The following INPP5A variants were observed in gnomAD, a reference collection of about 807,000 sequenced individuals.
The protein encoded by INPP5A is inositol polyphosphate-5-phosphatase A.
INPP5A carries 14 observed loss-of-function variants against 65.2 expected under a neutral mutation model. That is an observed-to-expected ratio of 0.21 (90% CI 0.14 to 0.34). The LOEUF (loss-of-function observed/expected upper bound fraction) is 0.34. Among genes scored for constraint, INPP5A ranks in the 10% least tolerant of loss-of-function variants. The pLI is 1.00. For missense variants in INPP5A, 431 were observed against 545.6 expected, an observed-to-expected ratio of 0.79 and a Z score of 2.09; for synonymous variants, 207 against 208.3, an observed-to-expected ratio of 0.99 and a Z score of 0.05.
intron 4 of INPP5A, among the ~76,000 whole-genome samples, chr10:132,668,360 T>A (rs2072834387): frequency 6.6e-6 from 1 of 152,210 alleles, no homozygotes; most frequent in African/African-American, 2.4e-5. Context: ...CTGTAACTTA[T>A]TGATGCTGCC....
chr10:132,634,685 A>T (rs760261045), intron 2 of INPP5A, among the ~76,000 whole-genome samples: 2 of 152,160 alleles, frequency 1.3e-5, no homozygotes, highest in Non-Finnish European at 2.9e-5. Flanking sequence ...TTAGCCATAT[A>T]CACATTTGTG....
intron 8 of INPP5A, among the ~76,000 whole-genome samples, chr10:132,710,733 G>A (rs546949981): frequency 6.6e-6 from 1 of 150,918 alleles, no homozygotes; most frequent in Non-Finnish European, 1.5e-5. Flanking sequence ...AGGTGTGAGT[G>A]GAGAGGTAGG....
At chr10:132,591,792 G>A (rs1253613016) in intron 1 of INPP5A, among the ~76,000 whole-genome samples, 7 of 91,624 alleles carry the variant, frequency 7.6e-5, no homozygotes, top group Non-Finnish European at 1.4e-4. Flanking sequence ...CTCCTTTCCC[G>A]GAGCTGCGCC....
At chr10:132,665,360 CTG>C (rs2072789035) in intron 4 of INPP5A, among the ~76,000 whole-genome samples, 1 of 152,230 alleles carries the variant, frequency 6.6e-6, no homozygotes, top group African/African-American at 2.4e-5. Context: ...CCCCTCGATT[CTG>C]TGTCGCTAAT....
At chr10:132,540,768 G>C (rs1451945334) in intron 1 of INPP5A, among the ~76,000 whole-genome samples, 4 of 152,260 alleles carry the variant, frequency 2.6e-5, no homozygotes. Flanking sequence ...CAGTGCTCAG[G>C]CTGTGAAGGA....
Position 132,704,909 on chromosome 10 carries a change from CGTCTGG to C in INPP5A, c.475-3403_475-3398del, listed in dbSNP as rs1845509543. 2.1e-5 allele frequency among the ~76,000 whole-genome samples: 3 copies of C among 144,104 alleles called. No homozygotes were observed. Among genetic ancestry groups the C allele is most frequent in the South Asian group, 2.4e-4 (1 of 4,108 alleles). 94.5% of individuals were successfully genotyped at this position (144,104 alleles called of 152,430 possible). ...TGGAGTGTGGAGGATGGAGGAAGGG[CGTCTGG>C]ACAGGCGGCAGGCAGCTCCTCTGGA... On this transcript the variant is annotated intron_variant, in intron 6 of 15. Transcript: ENST00000368594. This position sits in a 1 kb window ranked among gnomAD's most constrained non-coding sequence, Gnocchi z 4.5.
chr10:132,579,417 G>C (rs1259720951), intron 1 of INPP5A, among the ~76,000 whole-genome samples: 1 of 152,156 alleles, frequency 6.6e-6, no homozygotes, highest in Admixed American at 6.5e-5. Context: ...CTGCACCGGT[G>C]GCTCTGGTGG....
At chr10:132,739,800 C>A (rs1363568338) in intron 9 of INPP5A, among the ~76,000 whole-genome samples, 1 of 152,202 alleles carries the variant, frequency 6.6e-6, no homozygotes, top group African/African-American at 2.4e-5. Context: ...CCTCGCCATG[C>A]CCCCTGCCAG....
chr10:132,731,803 G>T (rs542116885), intron 9 of INPP5A, among the ~76,000 whole-genome samples: 2 of 152,230 alleles, frequency 1.3e-5, no homozygotes, highest in Non-Finnish European at 1.5e-5. Context: ...AAGGAAAGCC[G>T]CATGTGCTCT....
intron 8 of INPP5A, among the ~76,000 whole-genome samples, chr10:132,719,936 G>T (rs1268840967): frequency 6.7e-6 from 1 of 149,002 alleles, no homozygotes; most frequent in Non-Finnish European, 1.5e-5. Flanking sequence ...TTAGACGGCT[G>T]TCTTCAGGGT....
At chr10:132,596,961 G>GTGCGTGTGTGCA (rs770991113) in intron 1 of INPP5A, among the ~76,000 whole-genome samples, 3 of 151,634 alleles carry the variant, frequency 2.0e-5, no homozygotes, top group African/African-American at 4.9e-5. Context: ...GCACACATGT[G>GTGCGTGTGTGCA]TGCGTGTGTG....
At chr10:132,731,428 C>T (rs147332414) in intron 9 of INPP5A, among the ~76,000 whole-genome samples, 66 of 151,578 alleles carry the variant, frequency 4.4e-4, no homozygotes, top group Admixed American at 8.5e-4. Flanking sequence ...GCGTATCAGA[C>T]GCCCCTGGGA....
At chr10:132,699,045 C>T (rs1002874659) in intron 6 of INPP5A, among the ~76,000 whole-genome samples, 10 of 152,356 alleles carry the variant, frequency 6.6e-5, no homozygotes, top group South Asian at 4.1e-4. Flanking sequence ...CGGCACCGCC[C>T]GTTTGCCTCC....
At position 132,717,044 on chromosome 10, in the gene INPP5A, G is replaced by A. The variant is rs374386703; in HGVS notation, c.647+6588G>A. 1.9e-3 allele frequency among the ~76,000 whole-genome samples: 295 copies of A among 152,328 alleles called. 4 individuals are homozygous for A. Among genetic ancestry groups the A allele is most frequent in the African/African-American group, 6.7e-3 (278 of 41,576 alleles). On this transcript the variant is annotated intron_variant, in intron 8 of 15. Coordinates refer to ENST00000368594, the MANE Select transcript of INPP5A (RefSeq NM_005539.5). ...GAGGTCCAGAGGCCATCTCAGCCCC[G>A]CCCACCGCAACACAACTCTGTGGCG...
At chr10:132,710,202 G>T in intron 7 of INPP5A, 135 bp from the exon 8 acceptor site, 1 of 936,598 alleles carries the variant, frequency 1.1e-6, no homozygotes. Context: ...TGGGTGGACA[G>T]GTGCCCCGCC....
At chr10:132,749,160 C>T (rs1471235110) in intron 9 of INPP5A, among the ~76,000 whole-genome samples, 2 of 152,228 alleles carry the variant, frequency 1.3e-5, no homozygotes, top group African/African-American at 4.8e-5. Flanking sequence ...GGGAGGAGGC[C>T]GGCCATGTGC....
At chr10:132,755,114 C>T (rs1008676789) in intron 11 of INPP5A, among the ~76,000 whole-genome samples, 1 of 151,288 alleles carries the variant, frequency 6.6e-6, no homozygotes, top group African/African-American at 2.4e-5. Context: ...AGTGTGTGAG[C>T]TGGCGTGTGA....
At chr10:132,610,404 C>T (rs545259109) in intron 2 of INPP5A, among the ~76,000 whole-genome samples, 8 of 152,334 alleles carry the variant, frequency 5.3e-5, no homozygotes, top group African/African-American at 1.4e-4. Flanking sequence ...GTAGGGGTTG[C>T]CCCGGGCCTA....
Position 132,737,048 on chromosome 10 carries a change from G to A in INPP5A, c.732+10143G>A, listed in dbSNP as rs143620596. On this transcript the variant is annotated intron_variant, in intron 9 of 15. Coordinates refer to ENST00000368594, the MANE Select transcript of INPP5A (RefSeq NM_005539.5). ...AGACAGGGATGACTGTGCAGCTGTC[G>A]CTAGCCCTGTGTATGGGCAGGCCTG... is the stretch of plus-strand genomic sequence containing the variant. Among the ~76,000 whole-genome samples the A allele has an allele frequency of 4.8e-3, 726 of 152,342 alleles. 4 individuals are homozygous for A. The highest frequency in any genetic ancestry group is 0.014 in the South Asian group (66 of 4,826).
Sources: allele counts gnomAD v4.1 joint callset (sites outside exome capture counted in the v4.1 genomes callset), GRCh38; gene constraint gnomAD v4.1.1; non-coding constraint Gnocchi (gnomAD v3.1); transcripts MANE v1.5; gene names NCBI Gene and HGNC (gene_info 2026-07-23, HGNC 2026-07-21).